Variants in FBXL14 observed in about 807,000 individuals in gnomAD.
FBXL14 encodes the protein F-box/LRR-repeat protein 14.
Under a neutral mutation model 24.5 loss-of-function variants are expected in FBXL14, and 11 were observed. That is an observed-to-expected ratio of 0.45 (90% CI 0.28 to 0.74). The LOEUF is 0.74. Among genes scored for constraint, FBXL14 ranks in the 30% least tolerant of loss-of-function variants. The pLI, the probability that FBXL14 is intolerant of heterozygous loss-of-function variation, is 0.12. For missense variants in FBXL14, 384 were observed against 545.6 expected (o/e 0.70, Z 2.95); for synonymous variants, 294 against 240.4 (o/e 1.22, Z -2.06).
At chr12:1,587,301 G>A (rs1181969575) in intron 1 of FBXL14, 4 of 150,808 alleles carry the variant, frequency 2.7e-5, no homozygotes, top group Non-Finnish European at 4.4e-5. Context: ...AGAAACTTAA[G>A]TCTTCTTTTT....
intron 1 of FBXL14, among the ~76,000 whole-genome samples, chr12:1,577,543 G>A (rs1021138926): frequency 6.6e-6 from 1 of 152,244 alleles, no homozygotes; most frequent in African/African-American, 2.4e-5. Flanking sequence ...CAAATACAGT[G>A]ATGGTCATTA....
At position 1,567,891 on chromosome 12, in the gene FBXL14, G is replaced by GCACACACGTGCGCA. The variant is rs1463244784; in HGVS notation, c.1195-1095_1195-1082dup. ...AAAACCCACCCACACGCACACGCGC[G>GCACACACGTGCGCA]CACACACGTGCGCACACACACAGAA... On this transcript the variant is annotated intron_variant, in intron 1 of 1. Transcript: ENST00000339235. This position sits in a 1 kb window ranked among gnomAD's most constrained non-coding sequence, Gnocchi z 4.8. Among the ~76,000 whole-genome samples the GCACACACGTGCGCA allele has an allele frequency of 6.6e-6, 1 of 151,996 alleles. No homozygotes were observed. The highest frequency in any genetic ancestry group is 1.5e-5 in the Non-Finnish European group (1 of 67,976).
intron 1 of FBXL14, among the ~76,000 whole-genome samples, chr12:1,574,378 G>C (rs1021182760): frequency 4.4e-3 from 661 of 150,774 alleles, no homozygotes; most frequent in Non-Finnish European, 4.6e-3. Flanking sequence ...GGTGGCAGCG[G>C]TGTGGATGGA....
At chr12:1,589,482 AAGGGAGGG>A (rs749054621) in intron 1 of FBXL14, among the ~76,000 whole-genome samples, 2 of 130,904 alleles carry the variant, frequency 1.5e-5, no homozygotes, top group Admixed American at 7.3e-5. Context: ...GACAGGAAGG[AAGGGAGGG>A]AGGGAGGGAG....
chr12:1,573,726 C>T (rs745696293), intron 1 of FBXL14, among the ~76,000 whole-genome samples: 10 of 152,252 alleles, frequency 6.6e-5, no homozygotes, highest in South Asian at 4.1e-4. Context: ...GAAATGAGGC[C>T]GGGCCTGGTG....
chr12:1,574,424 G>T (rs4766392), intron 1 of FBXL14, among the ~76,000 whole-genome samples: 1 of 26,046 alleles, frequency 3.8e-5, no homozygotes, highest in Non-Finnish European at 1.0e-4. Context: ...AGTGGTGTGG[G>T]TGGAGCCTGG....
chr12:1,585,705 G>A (rs1384332379), intron 1 of FBXL14, among the ~76,000 whole-genome samples: 5 of 152,220 alleles, frequency 3.3e-5, no homozygotes, highest in Non-Finnish European at 7.3e-5. Context: ...AAATGGGGGA[G>A]TAATAAATAT....
chr12:1,583,365 G>T (rs972072838), intron 1 of FBXL14, among the ~76,000 whole-genome samples: 5 of 148,586 alleles, frequency 3.4e-5, no homozygotes, highest in African/African-American at 1.0e-4. Context: ...CCTTTAAGAA[G>T]AATTAGAAGT....
rs578085210 is a variant in FBXL14, at chr12:1,573,468, C to T, written c.1195-6658G>A. On this transcript the variant is annotated intron_variant, in intron 1 of 1. Coordinates refer to ENST00000339235, the MANE Select transcript of FBXL14 (RefSeq NM_152441.3). ...GTTCAACCTTGTCAGCTGAATGCCA[C>T]CCCAGCCACGCACGACTAGGGGGTC... Among the ~76,000 whole-genome samples, 254 of 152,268 alleles carry T rather than the reference C, an allele frequency of 1.7e-3. 1 individual carries two copies. Among genetic ancestry groups the T allele is most frequent in the African/African-American group, 5.9e-3 (244 of 41,538 alleles).
intron 1 of FBXL14, among the ~76,000 whole-genome samples, chr12:1,576,028 A>G (rs1312108776): frequency 6.6e-6 from 1 of 152,206 alleles, no homozygotes; most frequent in African/African-American, 2.4e-5. Flanking sequence ...GCACAGCCCA[A>G]CAGGTTTTTT....
Position 1,566,659 on chromosome 12 carries a change from G to A in FBXL14, c.*89C>T, listed in dbSNP as rs564577467. 1 of 761,654 alleles carries A rather than the reference G, an allele frequency of 1.3e-6. No homozygotes were observed. The highest frequency in any genetic ancestry group is 2.5e-6 in the Non-Finnish European group (1 of 406,826). The allele number at this position is 761,654 out of a possible 1,614,324, so 47.2% of individuals were successfully genotyped here. On this transcript the variant is annotated 3_prime_UTR_variant, in exon 2 of 2. Coordinates refer to ENST00000339235, the MANE Select transcript of FBXL14 (RefSeq NM_152441.3). ...CGAGCAGTGACAGGCAGGGAAACCT[G>A]AGCTGTCATCACCAGAGTGCCGGAG...
In FBXL14 at chr12:1,589,583, A is replaced by G. The variant is rs566835366; in HGVS notation, c.1194+3290T>C. On this transcript the variant is annotated intron_variant, in intron 1 of 1. Coordinates refer to ENST00000339235, the MANE Select transcript of FBXL14 (RefSeq NM_152441.3). ...TAACTTACGGCAGGAATTATGACTT[A>G]TCTGGAAAACAGGGATAATACCTGT... Among the ~76,000 whole-genome samples, 3 of 152,272 alleles carry G rather than the reference A, an allele frequency of 2.0e-5. No individual in the cohort carries two copies. In the East Asian group the frequency reaches 5.8e-4, roughly 29 times the overall value.
Position 1,593,344 on chromosome 12 carries a change from G to C in FBXL14, c.723C>G (p.Ile241Met), listed in dbSNP as rs1210932212. 3 of 1,613,704 alleles carry C rather than the reference G, an allele frequency of 1.9e-6. No individual in the cohort carries two copies. Among genetic ancestry groups the C allele is most frequent in the African/African-American group, 2.7e-5 (2 of 74,952 alleles). Residue 241 changes from isoleucine to methionine, a missense_variant, in exon 1 of 2, where the codon ATC (isoleucine) becomes ATG (methionine). By Grantham distance (10) the Ile-to-Met change is conservative. Coordinates refer to ENST00000339235, the MANE Select transcript of FBXL14 (RefSeq NM_152441.3). This position sits in a 1 kb window ranked among gnomAD's most constrained non-coding sequence, Gnocchi z 7.4. ...RLLNLSFCGG[I>M]SDAGLLHLSH... ...ACAGGTGCAGGAGGCCAGCGTCCGA[G>C]ATTCCCCCACAGAAGCTGAGGTTGA...
intron 1 of FBXL14, among the ~76,000 whole-genome samples, chr12:1,584,189 AAAT>A (rs1193047965): frequency 3.2e-4 from 49 of 152,242 alleles, no homozygotes; most frequent in African/African-American, 1.2e-3. Flanking sequence ...TACAAAAAAA[AAAT>A]AATAATAGTA....
rs1029410427 is a variant in FBXL14, at chr12:1,573,982, G to A, written c.1195-7172C>T. Among the ~76,000 whole-genome samples the A allele has an allele frequency of 1.1e-4, 17 of 151,168 alleles. No individual in the cohort carries two copies. The South Asian group carries it at 2.9e-3, about 26-fold the overall frequency. Reference sequence around the variant, plus strand: ...ATCGCACCATTGCACTCCAGCCTGGGCAACAAGAGCGAAACTCCGTCTCAA... The same window carrying A: ...ATCGCACCATTGCACTCCAGCCTGGACAACAAGAGCGAAACTCCGTCTCAA... On this transcript the variant is annotated intron_variant, in intron 1 of 1. Transcript: ENST00000339235.
rs1160495509 is a variant in FBXL14, at chr12:1,569,046, A to C, written c.1195-2236T>G. Among the ~76,000 whole-genome samples, 7 of 152,246 alleles carry C rather than the reference A, an allele frequency of 4.6e-5. No homozygotes were observed. The highest frequency in any genetic ancestry group is 8.8e-5 in the Non-Finnish European group (6 of 68,052). ...TCTTTAATAATATAAGCATAATTAT[A>C]ATCTCACAAGTATTTTCATAGGATT... On this transcript the variant is annotated intron_variant, in intron 1 of 1. Coordinates refer to ENST00000339235, the MANE Select transcript of FBXL14 (RefSeq NM_152441.3). The surrounding 1 kb of genome is among the most constrained non-coding windows in gnomAD (Gnocchi z 4.2).
Position 1,593,249 on chromosome 12 carries a change from T to C in FBXL14, c.818A>G (p.His273Arg), listed in dbSNP as rs150476806. Residue 273 changes from histidine (H) to arginine (R), a missense_variant, in exon 1 of 2, where the codon CAT becomes CGT. Physicochemically the swap from His to Arg is conservative, Grantham distance 29. Transcript: ENST00000339235. The surrounding 1 kb of genome is among the most constrained non-coding windows in gnomAD (Gnocchi z 7.4). ...GAGGCGCAGGCTGCCCATGGCCAGATGCATGATGCCCGTGTCACTGATGTT... is the reference window on the plus strand; with the variant it reads ...GAGGCGCAGGCTGCCCATGGCCAGACGCATGATGCCCGTGTCACTGATGTT... The part of the protein sequence containing the change: ...CDNISDTGIM[H>R]LAMGSLRLSG... 2 of 1,612,490 alleles carry C rather than the reference T, an allele frequency of 1.2e-6. No homozygotes were observed. The highest frequency in any genetic ancestry group is 1.7e-5 in the Admixed American group (1 of 59,982).
At chr12:1,566,949 G>GC in intron 1 of FBXL14, 139 bp from the exon 2 acceptor site, 1 of 610,162 alleles carries the variant, frequency 1.6e-6, no homozygotes, top group Non-Finnish European at 3.0e-6. Context: ...TCCCACGCCA[G>GC]CCCACTCTAG....
chr12:1,576,346 T>G (rs1314938566), intron 1 of FBXL14, among the ~76,000 whole-genome samples: 1 of 152,052 alleles, frequency 6.6e-6, no homozygotes. Flanking sequence ...GGCCCCTCAC[T>G]CCTCCATATT....
Sources: gnomAD v4.1 joint callset for allele counts (sites outside exome capture counted in the v4.1 genomes callset) on GRCh38, gnomAD v4.1.1 for gene constraint, Gnocchi (gnomAD v3.1) non-coding constraint, MANE v1.5 for transcripts, NCBI Gene and HGNC (gene_info 2026-07-23, HGNC 2026-07-21) for gene names.